Variants in RTN1 observed in about 807,000 individuals in gnomAD.
RTN1 encodes the protein reticulon-1.
RTN1 carries 25 observed loss-of-function variants against 65.5 expected under a neutral mutation model. The observed-to-expected ratio is 0.38, with a 90% CI of 0.28 to 0.53. The LOEUF is 0.53. Ranked by LOEUF, RTN1 falls within the 20% of genes least tolerant of loss-of-function variation. The pLI, the probability that RTN1 is intolerant of heterozygous loss-of-function variation, is 0.79. For synonymous variants in RTN1, 471 were observed against 447.6 expected (o/e 1.05, Z -0.66); for missense variants, 983 against 1,025.4 (o/e 0.96, Z 0.57).
intron 3 of RTN1, among the ~76,000 whole-genome samples, chr14:59,659,023 T>C (rs527727967): frequency 1.3e-5 from 2 of 152,060 alleles, no homozygotes; most frequent in South Asian, 2.1e-4. Flanking sequence ...GAATAACCAG[T>C]TTACAGAAGA....
chr14:59,791,681 C>T (rs895188806), intron 1 of RTN1, among the ~76,000 whole-genome samples: 1 of 152,204 alleles, frequency 6.6e-6, no homozygotes, highest in Non-Finnish European at 1.5e-5. Context: ...TCTCCATGTA[C>T]CACTTCCTGT....
intron 1 of RTN1, among the ~76,000 whole-genome samples, chr14:59,796,661 TC>T (rs1886444722): frequency 6.6e-6 from 1 of 152,170 alleles, no homozygotes; most frequent in African/African-American, 2.4e-5. Context: ...ATTATTCATC[TC>T]CTCCTGGTCT....
chr14:59,600,675 T>G (rs896760998), intron 8 of RTN1, among the ~76,000 whole-genome samples: 4 of 152,162 alleles, frequency 2.6e-5, no homozygotes, highest in Non-Finnish European at 5.9e-5. Flanking sequence ...TCCTCTCTGA[T>G]AGATAGTGAG....
intron 3 of RTN1, among the ~76,000 whole-genome samples, chr14:59,611,371 A>G (rs1160368927): frequency 6.6e-6 from 1 of 152,216 alleles, no homozygotes; most frequent in Non-Finnish European, 1.5e-5. Context: ...CCCAATGTGC[A>G]TGAATTTAAT....
intron 3 of RTN1, chr14:59,610,331 A>G: frequency 1.8e-6 from 1 of 568,090 alleles, no homozygotes. Context: ...GAGGTTTCTA[A>G]TAAGGAGGTT....
intron 1 of RTN1, among the ~76,000 whole-genome samples, chr14:59,764,113 T>C (rs772232384): frequency 4.7e-4 from 72 of 151,968 alleles, no homozygotes; most frequent in Non-Finnish European, 9.6e-4. Context: ...TACACAAATA[T>C]GAGAGCTTAT....
chr14:59,870,341 G>A lies in RTN1; in HGVS notation c.241+49C>T. On this transcript the variant is annotated intron_variant, in intron 1 of 8. Coordinates refer to ENST00000267484, the MANE Select transcript of RTN1 (RefSeq NM_021136.3). This position sits in a 1 kb window ranked among gnomAD's most constrained non-coding sequence, Gnocchi z 5.1. ...AGCCGCGCAGAAGGGGACTGACTGGGGGGCCCTGGTCCCCGACGCCATTTG... is the reference window on the plus strand; with the variant it reads ...AGCCGCGCAGAAGGGGACTGACTGGAGGGCCCTGGTCCCCGACGCCATTTG... 1 of 1,435,912 alleles carries A rather than the reference G, an allele frequency of 7.0e-7. No homozygotes were observed. The highest frequency in any genetic ancestry group is 1.5e-5 in the South Asian group (1 of 65,568). 88.9% of individuals were successfully genotyped at this position (1,435,912 alleles called of 1,614,324 possible). A position where few individuals can be genotyped will look rare whatever the true frequency, so the allele number is the denominator to read the frequency against.
intron 1 of RTN1, among the ~76,000 whole-genome samples, chr14:59,807,741 C>T (rs556216249): frequency 3.3e-5 from 5 of 152,258 alleles, no homozygotes; most frequent in African/African-American, 1.2e-4. Context: ...GTTTTTGCCA[C>T]TTGAGGTAGG....
At chr14:59,612,169 T>C (rs897293438) in intron 3 of RTN1, among the ~76,000 whole-genome samples, 3 of 152,196 alleles carry the variant, frequency 2.0e-5, no homozygotes, top group Non-Finnish European at 4.4e-5. Flanking sequence ...ATGGAAAATG[T>C]TAATTCGGTT....
intron 4 of RTN1, 76 bp downstream of exon 4, chr14:59,607,209 C>T: frequency 1.5e-6 from 2 of 1,290,382 alleles, no homozygotes; most frequent in South Asian, 1.3e-5. Flanking sequence ...GACTCAAGTG[C>T]ATCTGTGAGC....
At chr14:59,641,025 A>G (rs1246457469) in intron 3 of RTN1, among the ~76,000 whole-genome samples, 1 of 152,222 alleles carries the variant, frequency 6.6e-6, no homozygotes, top group African/African-American at 2.4e-5. Flanking sequence ...CAGTGGTGCA[A>G]TCATGGCTCA....
intron 1 of RTN1, among the ~76,000 whole-genome samples, chr14:59,831,469 A>G (rs1036395057): frequency 2.6e-5 from 4 of 152,086 alleles, no homozygotes; most frequent in Non-Finnish European, 5.9e-5. Flanking sequence ...AAGCTGGCCA[A>G]CCTTCAGACT....
intron 2 of RTN1, among the ~76,000 whole-genome samples, chr14:59,743,965 T>A (rs1318175253): frequency 1.3e-5 from 2 of 152,166 alleles, no homozygotes; most frequent in Non-Finnish European, 2.9e-5. Flanking sequence ...AAAGAAAGTA[T>A]GTAGAAAGTG....
chr14:59,847,939 G>A (rs1887438006), intron 1 of RTN1, among the ~76,000 whole-genome samples: 1 of 152,158 alleles, frequency 6.6e-6, no homozygotes, highest in Non-Finnish European at 1.5e-5. Context: ...AATCCCACGT[G>A]AAGACTTTTA....
intron 1 of RTN1, among the ~76,000 whole-genome samples, chr14:59,777,813 CAACAACAACAAAAAA>C (rs931996311): frequency 3.7e-5 from 4 of 109,282 alleles, no homozygotes; most frequent in Admixed American, 2.9e-4. Flanking sequence ...ACAACAACAA[CAACAACAACAAAAAA>C]AAAAAACAAA....
intron 3 of RTN1, among the ~76,000 whole-genome samples, chr14:59,667,077 G>T (rs1883395126): frequency 6.8e-6 from 1 of 148,076 alleles, no homozygotes; most frequent in Non-Finnish European, 1.5e-5. Context: ...CAAATCAATA[G>T]AAAAAGAGGG....
chr14:59,794,683 A>T lies in RTN1; in HGVS notation c.242-48202T>A, dbSNP rs1886408961. 6.6e-6 allele frequency among the ~76,000 whole-genome samples: 1 copy of T among 152,338 alleles called. No homozygotes were observed. The highest frequency in any genetic ancestry group is 1.5e-5 in the Non-Finnish European group (1 of 68,034). On this transcript the variant is annotated intron_variant, in intron 1 of 8. Coordinates refer to ENST00000267484, the MANE Select transcript of RTN1 (RefSeq NM_021136.3). The surrounding 1 kb of genome is among the most constrained non-coding windows in gnomAD (Gnocchi z 5.1). ...TCTGTATGGTTGAAGGTGGTTCATC[A>T]CCAAACCCTTGTTCTTGGCTAAAGG...
At chr14:59,778,358 T>C (rs1886092588) in intron 1 of RTN1, among the ~76,000 whole-genome samples, 1 of 152,240 alleles carries the variant, frequency 6.6e-6, no homozygotes, top group South Asian at 2.1e-4. Context: ...TGGCTTTTGT[T>C]AATTCCCACA....
At chr14:59,784,415 G>A (rs1055685837) in intron 1 of RTN1, among the ~76,000 whole-genome samples, 3 of 151,112 alleles carry the variant, frequency 2.0e-5, no homozygotes, top group Admixed American at 6.6e-5. Flanking sequence ...CACTCCAGCC[G>A]GGGCAACAAG....
Sources: allele counts gnomAD v4.1 joint callset (sites outside exome capture counted in the v4.1 genomes callset), GRCh38; gene constraint gnomAD v4.1.1; non-coding constraint Gnocchi (gnomAD v3.1); transcripts MANE v1.5; gene names NCBI Gene and HGNC (gene_info 2026-07-23, HGNC 2026-07-21).